Variants in OTOP1 observed in about 807,000 individuals in gnomAD.
The protein encoded by OTOP1 is otopetrin 1.
Under a neutral mutation model 52.9 loss-of-function variants are expected in OTOP1, and 59 were observed. The ratio of observed to expected loss-of-function variants is 1.12; its 90% CI spans 0.91 to 1.39. The LOEUF (loss-of-function observed/expected upper bound fraction) is 1.39, where lower values mean the gene tolerates loss of function less well. OTOP1 is among the 40% of genes most tolerant of loss of function. The pLI is 0.00. For missense variants in OTOP1, 761 were observed against 800.9 expected (o/e 0.95, Z 0.60); for synonymous variants, 317 against 337.7 (o/e 0.94, Z 0.67).
chr4:4,209,467 C>T (rs1467383553), intron 2 of OTOP1, among the ~76,000 whole-genome samples: 2 of 152,114 alleles, frequency 1.3e-5, no homozygotes, highest in South Asian at 2.1e-4. Flanking sequence ...CTAGGATCTC[C>T]AACCCACCAA....
intron 5 of OTOP1, among the ~76,000 whole-genome samples, chr4:4,195,147 A>G (rs1716593885): frequency 6.6e-6 from 1 of 152,204 alleles, no homozygotes; most frequent in Non-Finnish European, 1.5e-5. Flanking sequence ...CTCAAGCCAG[A>G]GTCCACCTAG....
intron 5 of OTOP1, among the ~76,000 whole-genome samples, chr4:4,195,760 C>A (rs1456815978): frequency 1.3e-5 from 2 of 152,206 alleles, no homozygotes; most frequent in Non-Finnish European, 2.9e-5. Flanking sequence ...TGACAGTGGG[C>A]CTCACGTCAA....
intron 1 of OTOP1, among the ~76,000 whole-genome samples, chr4:4,222,281 T>C (rs1030973970): frequency 7.2e-5 from 11 of 152,048 alleles, no homozygotes; most frequent in Non-Finnish European, 1.5e-4. Context: ...GGTCTGAAAC[T>C]ATCGGGAGAG....
At chr4:4,198,129 G>A in intron 4 of OTOP1, 26 bp from the exon 5 acceptor site, 1 of 1,577,188 alleles carries the variant, frequency 6.3e-7, no homozygotes. Flanking sequence ...AGATCACACA[G>A]GAGGGCGATT....
rs1209790891 is a variant in OTOP1 at position 4,220,042 on chromosome 4, C to CAT, written c.403+6418_403+6419dup. On this transcript the variant is annotated intron_variant, in intron 1 of 5. Coordinates refer to ENST00000296358, the MANE Select transcript of OTOP1 (RefSeq NM_177998.3). ...ACATGTATATACGTATATATGTATACATATATACATATACGTGTATATACA... is the reference window on the plus strand; with the variant it reads ...ACATGTATATACGTATATATGTATACATATATATACATATACGTGTATATACA... Among the ~76,000 whole-genome samples, 66 of 54,416 alleles carry CAT rather than the reference C, an allele frequency of 1.2e-3. 1 individual carries two copies. In the South Asian group the frequency reaches 0.032, roughly 27 times the overall value. 35.7% of individuals were successfully genotyped at this position (54,416 alleles called of 152,430 possible).
chr4:4,201,318 T>A (rs1477059497), intron 4 of OTOP1, among the ~76,000 whole-genome samples: 1 of 151,896 alleles, frequency 6.6e-6, no homozygotes, highest in Non-Finnish European at 1.5e-5. Flanking sequence ...TCCCAGCTAC[T>A]CAAGAAGCTG....
At chr4:4,189,601 C>T (rs1233066251) in intron 5 of OTOP1, among the ~76,000 whole-genome samples, 1 of 152,196 alleles carries the variant, frequency 6.6e-6, no homozygotes, top group Non-Finnish European at 1.5e-5. Flanking sequence ...GTGGGATGCA[C>T]CTAACGACTC....
intron 2 of OTOP1, among the ~76,000 whole-genome samples, chr4:4,211,366 T>C (rs1717021332): frequency 6.6e-6 from 1 of 152,184 alleles, no homozygotes; most frequent in Admixed American, 6.5e-5. Context: ...TCCAGGTGAC[T>C]TGTCAGGAAG....
At chr4:4,212,472 A>T (rs1448032354) in intron 2 of OTOP1, among the ~76,000 whole-genome samples, 1 of 152,244 alleles carries the variant, frequency 6.6e-6, no homozygotes, top group Non-Finnish European at 1.5e-5. Context: ...CAACTGTTGC[A>T]TAACTCTATG....
intron 1 of OTOP1, among the ~76,000 whole-genome samples, chr4:4,219,498 G>C (rs192337071): frequency 2.0e-5 from 3 of 151,930 alleles, no homozygotes; most frequent in East Asian, 1.9e-4. Context: ...TCGGGAGATC[G>C]AGACCATCCT....
At chr4:4,215,768 T>A (rs1236446223) in intron 1 of OTOP1, among the ~76,000 whole-genome samples, 1 of 152,182 alleles carries the variant, frequency 6.6e-6, no homozygotes, top group Non-Finnish European at 1.5e-5. Context: ...TTTCCATAAA[T>A]CTAAAGCTTT....
At position 4,214,687 on chromosome 4, in the gene OTOP1, A is replaced by G. The variant is rs374465915; in HGVS notation, c.404-1683T>C. ...GCCATGAGGACATTATGCTAAGTAA[A>G]ATAAACTCAACCACCAAAGGACAAT... On this transcript the variant is annotated intron_variant, in intron 1 of 5. Coordinates refer to ENST00000296358, the MANE Select transcript of OTOP1 (RefSeq NM_177998.3). Among the ~76,000 whole-genome samples the G allele has an allele frequency of 1.9e-4, 29 of 152,346 alleles. No individual in the cohort carries two copies. The East Asian group carries it at 5.0e-3, about 26-fold the overall frequency.
At chr4:4,202,769 A>G (rs1254033046) in intron 3 of OTOP1, among the ~76,000 whole-genome samples, 191 bp from the exon 4 acceptor site, 1 of 152,174 alleles carries the variant, frequency 6.6e-6, no homozygotes, top group African/African-American at 2.4e-5. Context: ...TTCCAAAACC[A>G]CAGAATCTTG....
chr4:4,198,518 C>T (rs1716704660), intron 4 of OTOP1, among the ~76,000 whole-genome samples: 1 of 152,136 alleles, frequency 6.6e-6, no homozygotes, highest in Non-Finnish European at 1.5e-5. Context: ...CTAGATTTTG[C>T]TTCCCTGTAT....
At chr4:4,219,566 G>C (rs1318178641) in intron 1 of OTOP1, among the ~76,000 whole-genome samples, 1 of 151,948 alleles carries the variant, frequency 6.6e-6, no homozygotes, top group Non-Finnish European at 1.5e-5. Flanking sequence ...GCCGGGCGTG[G>C]TGGCGGGTGC....
At chr4:4,198,135 C>A (rs781160613) in intron 4 of OTOP1, 32 bp from the exon 5 acceptor site, 1 of 1,562,338 alleles carries the variant, frequency 6.4e-7, no homozygotes, top group Non-Finnish European at 8.8e-7. Flanking sequence ...CACAGGAGGG[C>A]GATTAGCAGG....
At chr4:4,190,367 A>G (rs1716475279) in intron 5 of OTOP1, among the ~76,000 whole-genome samples, 1 of 152,132 alleles carries the variant, frequency 6.6e-6, no homozygotes, top group Non-Finnish European at 1.5e-5. Context: ...CCAGCTACTC[A>G]GGGGGCTGAG....
chr4:4,219,475 G>A (rs1356490306), intron 1 of OTOP1, among the ~76,000 whole-genome samples: 1 of 152,020 alleles, frequency 6.6e-6, no homozygotes, highest in African/African-American at 2.4e-5. Flanking sequence ...GCCGAGGCGG[G>A]CGGATCAGGA....
chr4:4,217,274 A>G (rs1474215479), intron 1 of OTOP1, among the ~76,000 whole-genome samples: 3 of 152,240 alleles, frequency 2.0e-5, no homozygotes, highest in Non-Finnish European at 4.4e-5. Context: ...ATTGCTGTAG[A>G]AACAAAAATA....
Sources: allele counts gnomAD v4.1 joint callset (sites outside exome capture counted in the v4.1 genomes callset), GRCh38; gene constraint gnomAD v4.1.1; transcripts MANE v1.5; gene names NCBI Gene and HGNC (gene_info 2026-07-23, HGNC 2026-07-21).